The following MCFD2 variants were observed in gnomAD, a reference collection of about 807,000 sequenced individuals.
MCFD2 encodes multiple coagulation factor deficiency protein 2.
In MCFD2, 11 loss-of-function variants were observed where a neutral mutation model predicts 12.8. The ratio of observed to expected loss-of-function variants is 0.86; its 90% CI spans 0.54 to 1.42. The LOEUF is 1.42. MCFD2 is among the 40% of genes most tolerant of loss of function. The pLI is 0.00. For missense variants in MCFD2, 191 were observed against 178.6 expected (o/e 1.07, Z -0.40); for synonymous variants, 70 against 68.1 (o/e 1.03, Z -0.14).
chr2:46,915,654 C>T, intron 1 of MCFD2, 69 bp downstream of exon 1: 1 of 570,400 alleles, frequency 1.8e-6, no homozygotes, highest in South Asian at 7.8e-5. Context: ...CATCTTGAGC[C>T]CAAGCCTCCA....
rs1668313388 is a variant in MCFD2, at chr2:46,907,899, G to A, written c.220C>T (p.Leu74Phe). The A allele has an allele frequency of 6.2e-7, 1 of 1,614,210 alleles. No homozygotes were observed. The highest frequency in any genetic ancestry group is 8.5e-7 in the Non-Finnish European group (1 of 1,180,034). The change falls in exon 3 of 4, where the codon CTC becomes TTC. Residue 74 changes from leucine to phenylalanine, a missense_variant. By Grantham distance (22) the Leu-to-Phe change is conservative. Coordinates refer to ENST00000319466, the MANE Select transcript of MCFD2 (RefSeq NM_139279.6). This position sits in a 1 kb window ranked among gnomAD's most constrained non-coding sequence, Gnocchi z 4.1. Reference sequence around the variant, plus strand: ...TAATCATGCATTTTGAAGTAATGGAGCTGCAATTCTTGTGGCGACATCTCC... The same window carrying A: ...TAATCATGCATTTTGAAGTAATGGAACTGCAATTCTTGTGGCGACATCTCC... Reference protein sequence around the residue: ...EAEMSPQELQLHYFKMHDYDG... With the variant: ...EAEMSPQELQFHYFKMHDYDG...
At chr2:46,927,776 T>A (rs569322849) in intron 1 of MCFD2, among the ~76,000 whole-genome samples, 55 of 150,644 alleles carry the variant, frequency 3.7e-4, no homozygotes, top group African/African-American at 1.3e-3. Context: ...CCTAAAATAC[T>A]ACAGCCAGCT....
chr2:46,925,395 TA>T (rs1163589554), intron 1 of MCFD2, among the ~76,000 whole-genome samples: 1 of 152,076 alleles, frequency 6.6e-6, no homozygotes, highest in Non-Finnish European at 1.5e-5. Flanking sequence ...CCATCTCTAC[TA>T]AAAATACAAA....
chr2:46,928,459 TA>T (rs35897582), intron 1 of MCFD2, among the ~76,000 whole-genome samples: 12,235 of 81,888 alleles, frequency 0.15, 698 homozygotes, highest in Middle Eastern at 0.25. Flanking sequence ...AAAGGGAAAT[TA>T]AAAAAAAAAA....
chr2:46,938,489 A>G (rs114671126), intron 1 of MCFD2, among the ~76,000 whole-genome samples: 8,878 of 152,124 alleles, frequency 0.058, 318 homozygotes, highest in African/African-American at 0.093. Flanking sequence ...TACTTTAATA[A>G]CTTAATAGCA....
chr2:46,922,740 C>CG (rs1558473567), intron 1 of MCFD2, among the ~76,000 whole-genome samples: 1 of 151,836 alleles, frequency 6.6e-6, no homozygotes, highest in South Asian at 2.1e-4. Flanking sequence ...TGGGGAGGGG[C>CG]GGGGGGCTCT....
At position 46,907,756 on chromosome 2, in the gene MCFD2, T is replaced by A; in HGVS notation, c.309+54A>T. On this transcript the variant is annotated intron_variant, in intron 3 of 3. Transcript: ENST00000319466. The surrounding 1 kb of genome is among the most constrained non-coding windows in gnomAD (Gnocchi z 4.1). ...AAGTCAACAAGACTGGGGACCAAAT[T>A]AACAAAGGGAAGCCTTTCTGTGATA... The A allele has an allele frequency of 6.3e-7, 1 of 1,591,084 alleles. No homozygotes were observed. Among genetic ancestry groups the A allele is most frequent in the Non-Finnish European group, 8.6e-7 (1 of 1,160,854 alleles).
chr2:46,909,009 G>A lies in MCFD2; in HGVS notation c.149+14C>T, dbSNP rs1572611404. The A allele has an allele frequency of 6.2e-7, 1 of 1,614,146 alleles. No individual in the cohort carries two copies. Among genetic ancestry groups the A allele is most frequent in the East Asian group, 2.2e-5 (1 of 44,878 alleles). On this transcript the variant is annotated intron_variant, in intron 2 of 3. Transcript: ENST00000319466. The stretch of plus-strand genomic sequence containing the variant: ...GGGGAGGCCACTGGACCACAGCCCG[G>A]GCTGAATACGTACTCTTGGTCGTGC...
chr2:46,920,195 A>G (rs1271253915), upstream of MCFD2, among the ~76,000 whole-genome samples: 1 of 152,200 alleles, frequency 6.6e-6, no homozygotes, highest in Admixed American at 6.5e-5. Flanking sequence ...TGTATACATT[A>G]ATACATAATG....
At position 46,902,295 on chromosome 2, in the gene MCFD2, C is replaced by T. The variant is rs1008490886; in HGVS notation, c.*3168G>A. On this transcript the variant is annotated 3_prime_UTR_variant, in exon 4 of 4. Coordinates refer to ENST00000319466, the MANE Select transcript of MCFD2 (RefSeq NM_139279.6). ...CTAAAAGAGGTAACTTCAACAATAT[C>T]CCTCTTGACTAGAACTTCTATCTGA... 11 of 152,600 alleles carry T rather than the reference C, an allele frequency of 7.2e-5. No individual in the cohort carries two copies. Among genetic ancestry groups the T allele is most frequent in the Non-Finnish European group, 1.5e-4 (10 of 68,038 alleles). The allele number at this position is 152,600 out of a possible 1,614,324, so 9.5% of individuals were successfully genotyped here.
intron 1 of MCFD2, among the ~76,000 whole-genome samples, chr2:46,936,958 G>A (rs1558483843): frequency 6.6e-6 from 1 of 151,274 alleles, no homozygotes; most frequent in Non-Finnish European, 1.5e-5. Flanking sequence ...GGGCTCAAGC[G>A]ATCCTCCCAC....
chr2:46,922,518 A>G (rs1471335216), intron 1 of MCFD2, among the ~76,000 whole-genome samples: 1 of 150,546 alleles, frequency 6.6e-6, no homozygotes, highest in Admixed American at 6.6e-5. Context: ...GAGTGTAATT[A>G]TAAATGCTCA....
chr2:46,935,176 G>T (rs74685514), intron 1 of MCFD2, among the ~76,000 whole-genome samples: 1 of 152,058 alleles, frequency 6.6e-6, no homozygotes, highest in Non-Finnish European at 1.5e-5. Flanking sequence ...ATGGCTGAAG[G>T]CTTGTCCCTG....
At chr2:46,917,543 G>A (rs188101730), upstream of MCFD2, among the ~76,000 whole-genome samples, 1 of 152,194 alleles carries the variant, frequency 6.6e-6, no homozygotes, top group Non-Finnish European at 1.5e-5. Context: ...GACAAATGAA[G>A]TGTCAAGAAG....
At chr2:46,910,704 T>G (rs1049780487) in intron 1 of MCFD2, 1 of 152,182 alleles carries the variant, frequency 6.6e-6, no homozygotes, top group Non-Finnish European at 1.5e-5. Context: ...TTGCTTCCCA[T>G]GGCCCCCTCC....
upstream of MCFD2, among the ~76,000 whole-genome samples, chr2:46,918,377 C>A (rs1448494106): frequency 6.6e-6 from 1 of 152,190 alleles, no homozygotes; most frequent in Non-Finnish European, 1.5e-5. Context: ...ACCATCTAGT[C>A]CAGTAGTAGA....
intron 1 of MCFD2, among the ~76,000 whole-genome samples, chr2:46,938,337 C>CT (rs906515735): frequency 1.6e-4 from 24 of 151,440 alleles, no homozygotes; most frequent in African/African-American, 3.2e-4. Context: ...ACTATTATAC[C>CT]TTTTTTTTTC....
chr2:46,932,352 T>C (rs1669749875), intron 1 of MCFD2, among the ~76,000 whole-genome samples: 2 of 152,152 alleles, frequency 1.3e-5, no homozygotes, highest in Admixed American at 1.3e-4. Context: ...TTTCACCATG[T>C]TGACCAGGCT....
intron 1 of MCFD2, among the ~76,000 whole-genome samples, chr2:46,909,458 C>A (rs1170556960): frequency 6.6e-6 from 1 of 151,958 alleles, no homozygotes; most frequent in African/African-American, 2.4e-5. Context: ...ATTATTCTTG[C>A]CTCCCAGAAG....
Sources: allele counts gnomAD v4.1 joint callset (sites outside exome capture counted in the v4.1 genomes callset), GRCh38; gene constraint gnomAD v4.1.1; non-coding constraint Gnocchi (gnomAD v3.1); transcripts MANE v1.5; gene names NCBI Gene and HGNC (gene_info 2026-07-23, HGNC 2026-07-21).